The following CFAP92 variants were observed in gnomAD, a reference collection of about 807,000 sequenced individuals.
The protein encoded by CFAP92 is uncharacterized protein CFAP92.
Under a neutral mutation model 106.3 loss-of-function variants are expected in CFAP92, and 86 were observed. That is an observed-to-expected ratio of 0.81 (90% CI 0.68 to 0.97). The LOEUF (loss-of-function observed/expected upper bound fraction) is 0.97. CFAP92 is among the 50% of genes least tolerant of loss of function. The probability of loss-of-function intolerance (pLI) is 0.00; values close to 1 mark genes in which losing one functional copy is unlikely to be tolerated. For missense variants in CFAP92, 1,204 were observed against 1,283.8 expected (o/e 0.94, Z 0.95); for synonymous variants, 477 against 506.4 (o/e 0.94, Z 0.78).
intron 9 of CFAP92, among the ~76,000 whole-genome samples, chr3:128,953,311 C>A (rs935238413): frequency 6.6e-6 from 1 of 151,882 alleles, no homozygotes; most frequent in Admixed American, 6.5e-5. Flanking sequence ...GTCAGGAGAT[C>A]GAGACCAGCC....
At chr3:129,001,629 A>T in intron 1 of CFAP92, 1 of 1,358,658 alleles carries the variant, frequency 7.4e-7, no homozygotes, top group Non-Finnish European at 9.4e-7. Flanking sequence ...CGGCGCAGCG[A>T]TGGAGCCGGT....
chr3:129,001,583 A>AAGGGACCGGAGG (rs1031495612), intron 1 of CFAP92: 66 of 1,345,950 alleles, frequency 4.9e-5, no homozygotes, highest in South Asian at 1.1e-4. Flanking sequence ...TGGCGGGGCG[A>AAGGGACCGGAGG]AGGGACCGGA....
At chr3:128,966,283 C>T (rs929448509) in intron 8 of CFAP92, among the ~76,000 whole-genome samples, 4 of 152,188 alleles carry the variant, frequency 2.6e-5, no homozygotes, top group South Asian at 2.1e-4. Context: ...GCCTGGCCAT[C>T]GTTGCAGGAA....
intron 11 of CFAP92, among the ~76,000 whole-genome samples, chr3:128,933,342 C>T (rs1026403456): frequency 6.6e-6 from 1 of 152,156 alleles, no homozygotes; most frequent in Non-Finnish European, 1.5e-5. Flanking sequence ...CAGAGCCTTC[C>T]GCACCAGGAG....
At chr3:128,959,314 T>C (rs1205926751) in intron 9 of CFAP92, among the ~76,000 whole-genome samples, 2 of 151,864 alleles carry the variant, frequency 1.3e-5, no homozygotes, top group Admixed American at 6.6e-5. Flanking sequence ...TCAATGAAAA[T>C]AAAAGATGAT....
At chr3:128,926,997 G>T (rs1412330146) in intron 12 of CFAP92, among the ~76,000 whole-genome samples, 2 of 152,136 alleles carry the variant, frequency 1.3e-5, no homozygotes, top group African/African-American at 2.4e-5. Context: ...GAGAGGCTGA[G>T]GCAGGAGAAT....
chr3:128,971,549 G>T, intron 7 of CFAP92, 116 bp from the exon 8 acceptor site: 2 of 869,044 alleles, frequency 2.3e-6, no homozygotes, highest in Non-Finnish European at 3.4e-6. Context: ...CTAGAAGGCA[G>T]GGGTTATTCT....
At chr3:128,912,708 T>A in intron 15 of CFAP92, 1 of 1,142,722 alleles carries the variant, frequency 8.8e-7, no homozygotes, top group Non-Finnish European at 1.3e-6. Context: ...TATCACAGGT[T>A]AAGCCTTTTG....
intron 1 of CFAP92, chr3:129,002,097 G>A: frequency 6.6e-7 from 1 of 1,508,978 alleles, no homozygotes; most frequent in Non-Finnish European, 8.8e-7. Context: ...CGGCACCCGT[G>A]CGGGGCCCCG....
chr3:128,979,269 T>C (rs565776004), intron 4 of CFAP92, among the ~76,000 whole-genome samples: 1 of 152,316 alleles, frequency 6.6e-6, no homozygotes, highest in East Asian at 1.9e-4. Context: ...CCAGTTAGAA[T>C]GGCGATCATT....
chr3:128,929,742 AG>A (rs1938127854), intron 12 of CFAP92, among the ~76,000 whole-genome samples: 1 of 152,240 alleles, frequency 6.6e-6, no homozygotes, highest in African/African-American at 2.4e-5. Context: ...GACAGAAAGT[AG>A]ATCAGTGGTT....
chr3:128,971,649 G>A (rs1045933951), intron 7 of CFAP92, among the ~76,000 whole-genome samples: 5 of 152,228 alleles, frequency 3.3e-5, no homozygotes, highest in African/African-American at 1.2e-4. Flanking sequence ...ATAGGGTGAG[G>A]GCCTCTCATT....
the CFAP92 span, among the ~76,000 whole-genome samples, chr3:129,025,091 G>T: frequency 6.6e-6 from 1 of 152,120 alleles, no homozygotes; most frequent in Non-Finnish European, 1.5e-5. Context: ...CCAAATAGAG[G>T]TGCCACAGTT....
In CFAP92 at chr3:128,958,023, C is replaced by G. The variant is rs535625727; in HGVS notation, c.1353+7488G>C. Among the ~76,000 whole-genome samples, 20 of 152,304 alleles carry G rather than the reference C, an allele frequency of 1.3e-4. No individual in the cohort carries two copies. In the East Asian group the frequency reaches 3.3e-3, roughly 25 times the overall value. On this transcript the variant is annotated intron_variant, in intron 9 of 15. Coordinates refer to ENST00000645291, the MANE Select transcript of CFAP92 (RefSeq NM_001394090.1). ...GCATCCACTTTCCATGTGGCGTTCTCTGTGTGTCACTTTGCATAGTCTTCC... is the reference window on the plus strand; with the variant it reads ...GCATCCACTTTCCATGTGGCGTTCTGTGTGTGTCACTTTGCATAGTCTTCC...
intron 1 of CFAP92, chr3:129,001,807 A>G: frequency 6.5e-7 from 1 of 1,545,538 alleles, no homozygotes; most frequent in Non-Finnish European, 8.7e-7. Context: ...CAGTACCTGC[A>G]GGAGGTCTTC....
chr3:129,008,030 A>G, the CFAP92 span, among the ~76,000 whole-genome samples: 2 of 152,268 alleles, frequency 1.3e-5, no homozygotes, highest in African/African-American at 2.4e-5. Context: ...TGGCAGGGCC[A>G]TGATCCTTGA....
the CFAP92 span, among the ~76,000 whole-genome samples, chr3:129,012,171 C>T: frequency 6.6e-6 from 1 of 152,262 alleles, no homozygotes; most frequent in Non-Finnish European, 1.5e-5. Context: ...CTTGATGCTT[C>T]TTAGGAAGCT....
intron 4 of CFAP92, among the ~76,000 whole-genome samples, chr3:128,978,791 T>C (rs1174502982): frequency 1.3e-5 from 2 of 152,202 alleles, no homozygotes; most frequent in African/African-American, 4.8e-5. Context: ...TTACACCTTA[T>C]ACAAAAATTA....
intron 2 of CFAP92, among the ~76,000 whole-genome samples, chr3:128,990,452 G>A (rs1052537025): frequency 1.6e-4 from 24 of 152,098 alleles, no homozygotes; most frequent in African/African-American, 4.8e-4. Context: ...AGCCAAGATC[G>A]CGCCACTGTA....
Sources: gnomAD v4.1 joint callset for allele counts (sites outside exome capture counted in the v4.1 genomes callset) on GRCh38, gnomAD v4.1.1 for gene constraint, MANE v1.5 for transcripts, NCBI Gene and HGNC (gene_info 2026-07-23, HGNC 2026-07-21) for gene names.